ARHGEF38: variants seen among roughly 807,000 people sequenced by gnomAD.
The protein encoded by ARHGEF38 is Rho guanine nucleotide exchange factor (GEF) 38.
In ARHGEF38, 79 loss-of-function variants were observed where a neutral mutation model predicts 79.9. The ratio of observed to expected loss-of-function variants is 0.99; its 90% confidence interval spans 0.82 to 1.19. The LOEUF (loss-of-function observed/expected upper bound fraction) is 1.19. Ranked by LOEUF, ARHGEF38 falls within the 50% of genes most tolerant of loss-of-function variation. The pLI, the probability that ARHGEF38 is intolerant of heterozygous loss-of-function variation, is 0.00. For synonymous variants in ARHGEF38, 366 were observed against 328.3 expected (o/e 1.11, Z -1.24); for missense variants, 962 against 907.2 (o/e 1.06, Z -0.78).
At chr4:105,632,134 G>A (rs572306237) in intron 4 of ARHGEF38, among the ~76,000 whole-genome samples, 3 of 152,060 alleles carry the variant, frequency 2.0e-5, no homozygotes, top group Non-Finnish European at 2.9e-5. Context: ...GGCTAGAATT[G>A]GGTCTGAAAG....
chr4:105,642,455 T>A (rs1378517855), intron 5 of ARHGEF38, among the ~76,000 whole-genome samples: 1 of 151,994 alleles, frequency 6.6e-6, no homozygotes, highest in Non-Finnish European at 1.5e-5. Context: ...TCCCAAAGAG[T>A]GATGAATAAA....
intron 1 of ARHGEF38, among the ~76,000 whole-genome samples, chr4:105,557,902 C>T (rs1348009784): frequency 2.0e-5 from 3 of 152,016 alleles, no homozygotes; most frequent in Non-Finnish European, 2.9e-5. Flanking sequence ...AATTTTCTGG[C>T]CAGTGCATAT....
chr4:105,574,761 T>A (rs199314), intron 1 of ARHGEF38, among the ~76,000 whole-genome samples: 3 of 151,986 alleles, frequency 2.0e-5, no homozygotes, highest in Middle Eastern at 3.2e-3. Context: ...GGTACAAGTC[T>A]TTTTTGGTTA....
chr4:105,634,643 C>G (rs1413129240), intron 4 of ARHGEF38, among the ~76,000 whole-genome samples: 1 of 152,052 alleles, frequency 6.6e-6, no homozygotes, highest in Non-Finnish European at 1.5e-5. Flanking sequence ...TTTATAAATA[C>G]CACTAAAGTC....
intron 6 of ARHGEF38, among the ~76,000 whole-genome samples, chr4:105,647,833 T>C (rs1729914603): frequency 6.6e-6 from 1 of 152,020 alleles, no homozygotes. Flanking sequence ...GAAGAGGTGC[T>C]CTAGGATCTG....
At chr4:105,620,228 C>T (rs540609052) in intron 3 of ARHGEF38, among the ~76,000 whole-genome samples, 3 of 152,238 alleles carry the variant, frequency 2.0e-5, no homozygotes, top group Non-Finnish European at 2.9e-5. Flanking sequence ...GCTCTTGTTT[C>T]CACTTAGATG....
chr4:105,627,397 T>C (rs1728991550), intron 3 of ARHGEF38, among the ~76,000 whole-genome samples: 2 of 152,086 alleles, frequency 1.3e-5, no homozygotes, highest in African/African-American at 4.8e-5. Context: ...CGTGAGAGTA[T>C]GGAAATAGAA....
chr4:105,584,162 G>A (rs58088275), intron 1 of ARHGEF38, among the ~76,000 whole-genome samples: 53 of 152,308 alleles, frequency 3.5e-4, no homozygotes, highest in African/African-American at 1.2e-3. Flanking sequence ...TACTGTTATA[G>A]TTGCAAAAGC....
chr4:105,636,675 T>C (rs1184105341), intron 5 of ARHGEF38, among the ~76,000 whole-genome samples: 1 of 152,104 alleles, frequency 6.6e-6, no homozygotes, highest in African/African-American at 2.4e-5. Context: ...AGAAAGTCTT[T>C]GGGAACTGCT....
At chr4:105,617,332 A>G (rs1728549943) in intron 3 of ARHGEF38, among the ~76,000 whole-genome samples, 1 of 152,220 alleles carries the variant, frequency 6.6e-6, no homozygotes, top group South Asian at 2.1e-4. Context: ...GCAGACGTGT[A>G]GTTGAAAATG....
At chr4:105,631,233 C>T (rs1036832609) in intron 4 of ARHGEF38, 188 bp downstream of exon 4, 26 of 1,240,768 alleles carry the variant, frequency 2.1e-5, no homozygotes, top group Admixed American at 4.1e-5. Flanking sequence ...TTTCCCCCTG[C>T]GAGAATGACT....
chr4:105,582,990 T>G (rs28586986), intron 1 of ARHGEF38, among the ~76,000 whole-genome samples: 5,286 of 152,326 alleles, frequency 0.035, 131 homozygotes, highest in Middle Eastern at 0.095. Flanking sequence ...TATATATTTT[T>G]GTACTTTCAT....
At chr4:105,606,160 AATG>A in intron 2 of ARHGEF38, among the ~76,000 whole-genome samples, 1 of 152,232 alleles carries the variant, frequency 6.6e-6, no homozygotes, top group African/African-American at 2.4e-5. Flanking sequence ...TATTAATTCT[AATG>A]TAATTACTAC....
chr4:105,654,135 T>C lies in ARHGEF38; in HGVS notation c.1079T>C (p.Val360Ala). ...RALEKTVRLCVKNISLCLQHI... is the reference protein window; with the variant it reads ...RALEKTVRLCAKNISLCLQHI... The stretch of plus-strand genomic sequence containing the variant: ...TTAGAAAAGACTGTGAGGCTTTGTG[T>C]GAAGAACATTTCACTCTGTCTTCAA... Residue 360 changes from valine (V) to alanine (A), a missense_variant, in exon 8 of 14, where the codon GTG becomes GCG. By Grantham distance (64) the Val-to-Ala change is moderately conservative. Coordinates refer to ENST00000420470, the MANE Select transcript of ARHGEF38 (RefSeq NM_001242729.2). The C allele has an allele frequency of 6.6e-7, 1 of 1,519,392 alleles. No homozygotes were observed. The highest frequency in any genetic ancestry group is 8.8e-7 in the Non-Finnish European group (1 of 1,135,478). 94.1% of individuals were successfully genotyped at this position (1,519,392 alleles called of 1,614,324 possible).
At chr4:105,564,354 A>G (rs1235396431) in intron 1 of ARHGEF38, among the ~76,000 whole-genome samples, 2 of 152,190 alleles carry the variant, frequency 1.3e-5, no homozygotes, top group Admixed American at 6.5e-5. Flanking sequence ...ACGCTACTAC[A>G]TGGATGATCA....
At chr4:105,561,503 TA>T (rs1406314328) in intron 1 of ARHGEF38, 9 of 145,022 alleles carry the variant, frequency 6.2e-5, no homozygotes, top group East Asian at 2.0e-4. Flanking sequence ...TAGAATAGAA[TA>T]GAATAGAATA....
intron 7 of ARHGEF38, among the ~76,000 whole-genome samples, chr4:105,649,702 G>A (rs1730018097): frequency 6.6e-6 from 1 of 152,158 alleles, no homozygotes; most frequent in Non-Finnish European, 1.5e-5. Flanking sequence ...GGCTTTGGCA[G>A]CTGCTGTGGT....
intron 1 of ARHGEF38, among the ~76,000 whole-genome samples, chr4:105,573,697 C>T (rs868740963): frequency 2.7e-5 from 4 of 150,582 alleles, no homozygotes; most frequent in African/African-American, 7.3e-5. Context: ...TTATTTTGGC[C>T]TATTGTTGTC....
rs1204081474 is a variant in ARHGEF38, at chr4:105,573,847, G to A, written c.197-15401G>A. On this transcript the variant is annotated intron_variant, in intron 1 of 13. Coordinates refer to ENST00000420470, the MANE Select transcript of ARHGEF38 (RefSeq NM_001242729.2). Reference sequence around the variant, plus strand: ...CGGCTTAACAATATCAAGTCTTTCCGTCCATGAACATATCTTCTCATGTAT... The same window carrying A: ...CGGCTTAACAATATCAAGTCTTTCCATCCATGAACATATCTTCTCATGTAT... 4.6e-5 allele frequency among the ~76,000 whole-genome samples: 7 copies of A among 151,824 alleles called. No individual in the cohort carries two copies. The South Asian group carries it at 8.3e-4, about 18-fold the overall frequency.
Sources: allele counts gnomAD v4.1 joint callset (sites outside exome capture counted in the v4.1 genomes callset), GRCh38; gene constraint gnomAD v4.1.1; transcripts MANE v1.5; gene names NCBI Gene and HGNC (gene_info 2026-07-23, HGNC 2026-07-21).